The following RFC1 variants were observed in gnomAD, a reference collection of about 807,000 sequenced individuals.
The protein encoded by RFC1 is A1 140 kDa subunit.
In RFC1, 37 loss-of-function variants were observed where a neutral mutation model predicts 137.4. The observed-to-expected ratio is 0.27, with a 90% CI of 0.21 to 0.35. RFC1 has a LOEUF of 0.35. Ranked by LOEUF, RFC1 falls within the 10% of genes least tolerant of loss-of-function variation. RFC1 has a pLI of 1.00. For synonymous variants in RFC1, 429 were observed against 455.7 expected (o/e 0.94, Z 0.75); for missense variants, 1,205 against 1,358.5 (o/e 0.89, Z 1.78).
At chr4:39,324,913 G>A (rs1228182307) in intron 6 of RFC1, among the ~76,000 whole-genome samples, 4 of 152,166 alleles carry the variant, frequency 2.6e-5, no homozygotes, top group Admixed American at 2.6e-4. Flanking sequence ...CTAACAGCCG[G>A]CAGCTAAGCC....
At chr4:39,321,483 G>A in intron 7 of RFC1, 109 bp from the exon 8 acceptor site, 1 of 887,040 alleles carries the variant, frequency 1.1e-6, no homozygotes, top group Non-Finnish European at 1.7e-6. Flanking sequence ...TCAACTAGCA[G>A]GACACTACAA....
At chr4:39,299,745 G>A (rs1386558765) in intron 21 of RFC1, among the ~76,000 whole-genome samples, 1 of 151,468 alleles carries the variant, frequency 6.6e-6, no homozygotes, top group Non-Finnish European at 1.5e-5. Context: ...CATTTATCTG[G>A]TATTTAAAAT....
chr4:39,355,327 C>T (rs1349315709), intron 1 of RFC1, among the ~76,000 whole-genome samples: 1 of 151,672 alleles, frequency 6.6e-6, no homozygotes, highest in Admixed American at 6.6e-5. Flanking sequence ...CCCAGCTACT[C>T]AGGAGGCTGG....
In RFC1 at chr4:39,351,368, T is replaced by C; in HGVS notation, c.112A>G (p.Lys38Glu). ...KSDEETLKAKKGIKEIKVNSS... is the reference protein window; with the variant it reads ...KSDEETLKAKEGIKEIKVNSS... ...CTAACCTTGATTTCCTTTATTCCTT[T>C]CTTTGCTTTTAAAGTTTCTTCATCA... The change falls in exon 2 of 25, where the codon AAA becomes GAA. Residue 38 changes from lysine to glutamate, a missense_variant. Lys to Glu is a moderately conservative substitution (Grantham distance 56). This residue lies in a region of RFC1 where 962 missense variants were observed against 1,035.3 expected (regional missense o/e 0.93). Transcript: ENST00000349703. 6.4e-7 allele frequency: 1 copy of C among 1,566,492 alleles called. No individual in the cohort carries two copies. Among genetic ancestry groups the C allele is most frequent in the Admixed American group, 2.1e-5 (1 of 48,646 alleles).
chr4:39,326,477 C>CA (rs1472574017), intron 6 of RFC1, 86 bp downstream of exon 6: 2 of 969,194 alleles, frequency 2.1e-6, no homozygotes, highest in Admixed American at 4.3e-5. Context: ...ATGTAACTTC[C>CA]AATGAGGTTC....
chr4:39,360,718 G>A (rs952343025), intron 1 of RFC1, among the ~76,000 whole-genome samples: 10 of 151,986 alleles, frequency 6.6e-5, no homozygotes, highest in African/African-American at 2.4e-4. Flanking sequence ...CTGAGCAACA[G>A]AGCGAGACTC....
intron 4 of RFC1, among the ~76,000 whole-genome samples, chr4:39,330,887 A>G (rs1006583993): frequency 6.6e-6 from 1 of 152,084 alleles, no homozygotes; most frequent in Non-Finnish European, 1.5e-5. Context: ...GACTAGGTTC[A>G]GTCATTCATA....
intron 20 of RFC1, 39 bp from the exon 21 acceptor site, chr4:39,300,177 C>T: frequency 6.2e-7 from 1 of 1,608,878 alleles, no homozygotes; most frequent in Non-Finnish European, 8.5e-7. Flanking sequence ...CCACTCTCCA[C>T]ACCCCAGGTC....
rs185937893 is a variant in RFC1 at position 39,343,764 on chromosome 4, A to G, written c.209-1297T>C. On this transcript the variant is annotated intron_variant, in intron 3 of 24. Transcript: ENST00000349703. ...ACTTTCAGAATTCAGAACCTTTGAT[A>G]GTACTGTGAAAATTTTGACAATCCT... Among the ~76,000 whole-genome samples, 15 of 152,356 alleles carry G rather than the reference A, an allele frequency of 9.8e-5. 1 individual carries two copies. The East Asian group carries it at 2.7e-3, about 27-fold the overall frequency.
Position 39,291,620 on chromosome 4 carries a change from A to G in RFC1, c.3168+19T>C. On this transcript the variant is annotated intron_variant, in intron 23 of 24. Transcript: ENST00000349703. ...TGGTAATAGAAAGTGACGAAGAACC[A>G]GTGAGTGACATGATTTACCTTGGGA... The G allele has an allele frequency of 1.3e-6, 2 of 1,553,814 alleles. No individual in the cohort carries two copies. Among genetic ancestry groups the G allele is most frequent in the Non-Finnish European group, 1.8e-6 (2 of 1,125,054 alleles).
At chr4:39,328,465 G>C (rs561234388) in intron 4 of RFC1, among the ~76,000 whole-genome samples, 1 of 152,302 alleles carries the variant, frequency 6.6e-6, no homozygotes, top group East Asian at 1.9e-4. Flanking sequence ...GTGATGAAGG[G>C]TACTCTTTGA....
chr4:39,347,078 T>A (rs1300500995), intron 2 of RFC1, among the ~76,000 whole-genome samples: 1 of 152,144 alleles, frequency 6.6e-6, no homozygotes, highest in Non-Finnish European at 1.5e-5. Context: ...CCAAGATAAA[T>A]CCAAAATAAC....
intron 1 of RFC1, among the ~76,000 whole-genome samples, chr4:39,362,190 C>T (rs1741794998): frequency 6.6e-6 from 1 of 152,230 alleles, no homozygotes; most frequent in Non-Finnish European, 1.5e-5. Context: ...AGGCATCCCA[C>T]ATTCATGGAT....
Position 39,302,793 on chromosome 4 carries a change from G to A in RFC1, c.2284C>T (p.Leu762=), listed in dbSNP as rs1560593257. 2.5e-6 allele frequency: 4 copies of A among 1,605,542 alleles called. No individual in the cohort carries two copies. In the South Asian group the frequency reaches 4.5e-5, roughly 18 times the overall value. The stretch of plus-strand genomic sequence containing the variant: ...CGAAGATCAAAACAATAATGAACCA[G>A]AGAGCGAATCTTGGGATGATTTCTA... The part of the protein sequence containing the change: ...NDRNHPKIRS[L]VHYCFDLRFQ... The change falls in exon 17 of 25, where the codon CTG becomes TTG. Residue 762 remains leucine (L), a synonymous_variant. Coordinates refer to ENST00000349703, the MANE Select transcript of RFC1 (RefSeq NM_002913.5).
At chr4:39,339,626 C>T (rs567535807) in intron 4 of RFC1, among the ~76,000 whole-genome samples, 2 of 152,170 alleles carry the variant, frequency 1.3e-5, no homozygotes, top group African/African-American at 4.8e-5. Flanking sequence ...ATTATTCATA[C>T]ATTGTAGATA....
chr4:39,305,882 AAC>A (rs1425760592), intron 14 of RFC1, among the ~76,000 whole-genome samples: 3 of 152,230 alleles, frequency 2.0e-5, no homozygotes, highest in African/African-American at 4.8e-5. Flanking sequence ...AATGTTTATA[AAC>A]ACAGTGGAAA....
intron 4 of RFC1, among the ~76,000 whole-genome samples, chr4:39,339,614 G>C (rs1355168875): frequency 1.3e-5 from 2 of 152,004 alleles, no homozygotes; most frequent in Non-Finnish European, 2.9e-5. Flanking sequence ...TGAATTGTAT[G>C]AATTATTCAT....
Position 39,304,919 on chromosome 4 carries a change from A to G in RFC1, c.2005T>C (p.Tyr669His), listed in dbSNP as rs1258552616. ...TASLVCQELG[Y>H]SYVELNASDT... ...CTTGCATTCAGTTCCACGTAGCTGT[A>G]TCCCAACTCCTAATCAAAATATTGG... Residue 669 changes from tyrosine to histidine, a missense_variant, in exon 15 of 25, where the codon TAC becomes CAC. Transcript: ENST00000349703. The G allele has an allele frequency of 1.2e-6, 2 of 1,602,044 alleles. No homozygotes were observed. The highest frequency in any genetic ancestry group is 2.7e-5 in the African/African-American group (2 of 74,530).
intron 20 of RFC1, 57 bp from the exon 21 acceptor site, chr4:39,300,195 C>CA: frequency 2.5e-6 from 4 of 1,610,942 alleles, no homozygotes; most frequent in Non-Finnish European, 3.4e-6. Flanking sequence ...GTCCCTTCTT[C>CA]ACGGGTATTT....
Sources: allele counts gnomAD v4.1 joint callset (sites outside exome capture counted in the v4.1 genomes callset), GRCh38; gene constraint gnomAD v4.1.1; regional missense constraint gnomAD v4.1.1; transcripts MANE v1.5; gene names NCBI Gene and HGNC (gene_info 2026-07-23, HGNC 2026-07-21).